Variants in REV3L observed in about 807,000 individuals in gnomAD.
REV3L encodes the protein DNA polymerase zeta catalytic subunit.
A neutral mutation model predicts 299.4 loss-of-function variants in REV3L; 69 were observed. That is an observed-to-expected ratio of 0.23 (90% CI 0.19 to 0.28). The LOEUF is 0.28. Ranked by LOEUF, REV3L falls within the 10% of genes least tolerant of loss-of-function variation. The probability of loss-of-function intolerance (pLI) is 1.00; values close to 1 mark genes in which losing one functional copy is unlikely to be tolerated. For synonymous variants in REV3L, 1,238 were observed against 1,271.4 expected, an observed-to-expected ratio of 0.97 and a Z score of 0.56; for missense variants, 3,128 against 3,693.8, an observed-to-expected ratio of 0.85 and a Z score of 3.97.
At chr6:111,300,343 ATAT>A (rs1771347541) in intron 31 of REV3L, among the ~76,000 whole-genome samples, 187 bp from the exon 32 acceptor site, 1 of 152,192 alleles carries the variant, frequency 6.6e-6, no homozygotes, top group East Asian at 1.9e-4. Flanking sequence ...TTTCTAAAGG[ATAT>A]TATTTTGTAA....
In REV3L at chr6:111,358,865, T is replaced by C. The variant is rs141654602; in HGVS notation, c.7029A>G (p.Thr2343=). The part of the protein sequence containing the change: ...PLPDTEKTEL[T]GVIVIDKDKT... Reference sequence around the variant, plus strand: ...TGTCTTTATCAATCACTATTACACCTGTGAGTTCTGTTTTTTCTGTATCTG... The same window carrying C: ...TGTCTTTATCAATCACTATTACACCCGTGAGTTCTGTTTTTTCTGTATCTG... Residue 2343 remains threonine, a synonymous_variant, in exon 17 of 32, where the codon ACA becomes ACG. Coordinates refer to ENST00000368802, the MANE Select transcript of REV3L (RefSeq NM_001372078.1). 1.4e-4 allele frequency: 229 copies of C among 1,614,102 alleles called. 1 individual carries two copies. The African/African-American group carries it at 2.8e-3, about 20-fold the overall frequency.
intron 27 of REV3L, among the ~76,000 whole-genome samples, chr6:111,314,849 C>CTT (rs398066168): frequency 2.5e-3 from 330 of 132,584 alleles, no homozygotes; most frequent in Admixed American, 5.7e-3. Flanking sequence ...TATTTAAATA[C>CTT]TTTTTTTTTT....
chr6:111,302,762 CGTG>C (rs1231299921), intron 31 of REV3L, among the ~76,000 whole-genome samples: 11 of 151,960 alleles, frequency 7.2e-5, no homozygotes, highest in Admixed American at 1.3e-4. Flanking sequence ...ATTAGCTGGG[CGTG>C]GTGGTGCATG....
intron 13 of REV3L, among the ~76,000 whole-genome samples, chr6:111,371,384 A>C (rs996951166): frequency 3.9e-5 from 6 of 151,974 alleles, no homozygotes; most frequent in Non-Finnish European, 1.5e-5. Flanking sequence ...TTTGTCTATC[A>C]ATTCCCTGAA....
At chr6:111,445,314 C>T (rs1343301747) in intron 1 of REV3L, among the ~76,000 whole-genome samples, 3 of 151,962 alleles carry the variant, frequency 2.0e-5, no homozygotes, top group African/African-American at 4.8e-5. Context: ...AAATCATGTC[C>T]CAAGCCTCAG....
chr6:111,304,438 T>C (rs961752398), intron 31 of REV3L, among the ~76,000 whole-genome samples: 3 of 150,816 alleles, frequency 2.0e-5, no homozygotes, highest in Admixed American at 1.3e-4. Context: ...TAAAATCTCC[T>C]GTTTGGATGT....
At chr6:111,309,071 C>G (rs574659399) in intron 30 of REV3L, 2 of 152,432 alleles carry the variant, frequency 1.3e-5, no homozygotes, top group African/African-American at 4.8e-5. Context: ...ATGGCAGTGT[C>G]TAGGGGTGAA....
At chr6:111,435,443 A>G (rs1562308223) in intron 1 of REV3L, among the ~76,000 whole-genome samples, 1 of 152,234 alleles carries the variant, frequency 6.6e-6, no homozygotes, top group Non-Finnish European at 1.5e-5. Context: ...TCAGCATGCT[A>G]TTGGCATAAA....
At chr6:111,316,580 C>A (rs240971) in intron 26 of REV3L, among the ~76,000 whole-genome samples, 1 of 151,192 alleles carries the variant, frequency 6.6e-6, no homozygotes, top group East Asian at 1.9e-4. Context: ...GTGGGAGAAT[C>A]GCTTGAACCC....
intron 2 of REV3L, among the ~76,000 whole-genome samples, chr6:111,412,608 T>C (rs1354658288): frequency 6.6e-6 from 1 of 152,078 alleles, no homozygotes; most frequent in African/African-American, 2.4e-5. Context: ...AGGCAGCAGA[T>C]AATAGAATTT....
chr6:111,431,754 T>C (rs566217621), intron 1 of REV3L: 3 of 778,348 alleles, frequency 3.9e-6, no homozygotes, highest in Admixed American at 1.8e-5. Context: ...AAAAGACGAA[T>C]GTTGCTGAAT....
chr6:111,381,077 T>A (rs1780783463), intron 10 of REV3L, among the ~76,000 whole-genome samples: 1 of 152,260 alleles, frequency 6.6e-6, no homozygotes, highest in African/African-American at 2.4e-5. Context: ...CCTTCTTAAG[T>A]AATACGGTTT....
chr6:111,411,414 AT>A (rs961977534), intron 3 of REV3L, 65 bp downstream of exon 3: 46 of 1,092,062 alleles, frequency 4.2e-5, no homozygotes, highest in African/African-American at 6.5e-5. Flanking sequence ...TTCTTTCTAG[AT>A]TTTTTTTATT....
chr6:111,454,152 A>C (rs1166597156), intron 1 of REV3L, among the ~76,000 whole-genome samples: 1 of 151,280 alleles, frequency 6.6e-6, no homozygotes, highest in Admixed American at 6.6e-5. Context: ...TATGTTGTCC[A>C]GGCGGGTCTC....
chr6:111,316,442 T>C (rs999130539), intron 26 of REV3L, among the ~76,000 whole-genome samples: 5 of 151,762 alleles, frequency 3.3e-5, no homozygotes, highest in African/African-American at 1.2e-4. Flanking sequence ...GGCGGGTGTA[T>C]CACCTGAGGT....
chr6:111,477,052 T>C (rs144957417), intron 1 of REV3L, among the ~76,000 whole-genome samples: 55 of 152,328 alleles, frequency 3.6e-4, no homozygotes, highest in African/African-American at 1.3e-3. Context: ...TTTTAATAAG[T>C]GACTATTTTG....
intron 25 of REV3L, among the ~76,000 whole-genome samples, chr6:111,327,781 C>T (rs1343227963): frequency 6.6e-6 from 1 of 152,102 alleles, no homozygotes; most frequent in Non-Finnish European, 1.5e-5. Flanking sequence ...ATTTATCCAG[C>T]ACAAAATCAT....
At chr6:111,423,426 C>T (rs1785798623) in intron 1 of REV3L, among the ~76,000 whole-genome samples, 1 of 151,848 alleles carries the variant, frequency 6.6e-6, no homozygotes, top group Non-Finnish European at 1.5e-5. Flanking sequence ...AGAAACATGG[C>T]ATCTGGGAAC....
chr6:111,322,843 A>T (rs1774337100), intron 25 of REV3L, among the ~76,000 whole-genome samples, 165 bp from the exon 26 acceptor site: 1 of 152,228 alleles, frequency 6.6e-6, no homozygotes. Context: ...TTCTTTCTAC[A>T]AGTACTCAAG....
Sources: allele counts gnomAD v4.1 joint callset (sites outside exome capture counted in the v4.1 genomes callset), GRCh38; gene constraint gnomAD v4.1.1; transcripts MANE v1.5; gene names NCBI Gene and HGNC (gene_info 2026-07-23, HGNC 2026-07-21).